TBC1D32: variants seen among roughly 807,000 people sequenced by gnomAD.
TBC1D32 encodes TBC1 domain family member 32, also known as protein broad-minded.
In TBC1D32, 151 loss-of-function variants were observed where a neutral mutation model predicts 170.3. The observed-to-expected ratio is 0.89, with a 90% CI of 0.78 to 1.01. The LOEUF is 1.01. Among genes scored for constraint, TBC1D32 ranks in the 50% least tolerant of loss-of-function variants. The pLI is 0.00. For synonymous variants in TBC1D32, 498 were observed against 488.0 expected (o/e 1.02, Z -0.27); for missense variants, 1,464 against 1,457.1 (o/e 1.00, Z -0.08).
chr6:121,082,189 C>G (rs905367365), intron 31 of TBC1D32, among the ~76,000 whole-genome samples: 5 of 151,950 alleles, frequency 3.3e-5, no homozygotes, highest in African/African-American at 1.2e-4. Flanking sequence ...ATGTTGACAA[C>G]TGAGGTGTAT....
rs570566489 is a variant in TBC1D32 at position 121,256,420 on chromosome 6, C to T, written c.1734-135G>A. 9.5e-5 allele frequency: 64 copies of T among 676,936 alleles called. 1 individual carries two copies. Among genetic ancestry groups the T allele is most frequent in the South Asian group, 9.4e-4 (48 of 51,176 alleles). 41.9% of individuals were successfully genotyped at this position (676,936 alleles called of 1,614,324 possible). A position where few individuals can be genotyped will look rare whatever the true frequency, so the allele number is the denominator to read the frequency against. On this transcript the variant is annotated intron_variant, in intron 15 of 31. Coordinates refer to ENST00000398212, the MANE Select transcript of TBC1D32 (RefSeq NM_152730.6). The stretch of plus-strand genomic sequence containing the variant: ...TCTCAGACATGTCAATATTCACGTT[C>T]CCACCCATGCACAGATGTCTAGTAA...
Position 121,131,677 on chromosome 6 carries a change from CT to C in TBC1D32, c.2848del (p.Arg950AspfsTer6), listed in dbSNP as rs753094795. The C allele has an allele frequency of 6.2e-7, 1 of 1,611,636 alleles. No individual in the cohort carries two copies. Among genetic ancestry groups the C allele is most frequent in the Non-Finnish European group, 8.5e-7 (1 of 1,178,772 alleles). On this transcript the variant is annotated frameshift_variant, in exon 25 of 32. Transcript: ENST00000398212. LOFTEE classifies it high-confidence loss of function. ...KQTEWIENCQ[R>X]QFCKMMKAKP... The stretch of plus-strand genomic sequence containing the variant: ...GGCTTTCATCATTTTGCAAAATTGT[CT>C]TTGGCAGTTTTCTATCCATTCAGTT...
intron 24 of TBC1D32, among the ~76,000 whole-genome samples, chr6:121,137,452 A>G (rs963310381): frequency 6.7e-6 from 1 of 149,434 alleles, no homozygotes; most frequent in South Asian, 2.2e-4. Context: ...TATGATTTAT[A>G]GACAACTATG....
At chr6:121,276,702 G>T (rs535000489) in intron 15 of TBC1D32, among the ~76,000 whole-genome samples, 1 of 152,232 alleles carries the variant, frequency 6.6e-6, no homozygotes, top group South Asian at 2.1e-4. Flanking sequence ...AAAAGGAAAA[G>T]GATGGAGGAA....
At chr6:121,108,638 T>TA (rs1261726814) in intron 29 of TBC1D32, among the ~76,000 whole-genome samples, 7 of 152,056 alleles carry the variant, frequency 4.6e-5, no homozygotes, top group African/African-American at 1.7e-4. Context: ...ACTTTAGTGA[T>TA]TAATAATAAA....
At chr6:121,135,097 A>G (rs1781901671) in intron 24 of TBC1D32, among the ~76,000 whole-genome samples, 2 of 152,116 alleles carry the variant, frequency 1.3e-5, no homozygotes, top group Admixed American at 1.3e-4. Flanking sequence ...ATTCCTCTTA[A>G]CTTATGCAGA....
intron 24 of TBC1D32, among the ~76,000 whole-genome samples, chr6:121,152,761 C>T (rs1177369375): frequency 6.6e-6 from 1 of 151,980 alleles, no homozygotes; most frequent in Non-Finnish European, 1.5e-5. Flanking sequence ...CATCTTCAAT[C>T]CCTGATACAC....
intron 24 of TBC1D32, among the ~76,000 whole-genome samples, chr6:121,138,447 T>C (rs2128223271): frequency 6.6e-6 from 1 of 152,300 alleles, no homozygotes; most frequent in African/African-American, 2.4e-5. Flanking sequence ...TAAAAATACA[T>C]GAAAACTAAG....
chr6:121,081,448 C>G (rs1385934539), intron 31 of TBC1D32, among the ~76,000 whole-genome samples: 1 of 152,032 alleles, frequency 6.6e-6, no homozygotes, highest in Admixed American at 6.6e-5. Flanking sequence ...AATTTTATGA[C>G]CATTCCTTTT....
chr6:121,187,585 A>T (rs1354149683), intron 22 of TBC1D32, among the ~76,000 whole-genome samples: 1 of 151,880 alleles, frequency 6.6e-6, no homozygotes, highest in Non-Finnish European at 1.5e-5. Flanking sequence ...ACCTTGAAAA[A>T]CTTCCTCCGT....
chr6:121,198,238 T>TATATATTATATATATATATAATATATAA (rs1231700203), intron 22 of TBC1D32, among the ~76,000 whole-genome samples: 4 of 22,930 alleles, frequency 1.7e-4, no homozygotes, highest in East Asian at 5.6e-3. Flanking sequence ...TATATATAAA[T>TATATATTATATATATATATAATATATAA]ATATATATTA....
intron 22 of TBC1D32, among the ~76,000 whole-genome samples, chr6:121,168,308 A>G (rs1786358514): frequency 7.1e-6 from 1 of 141,074 alleles, no homozygotes; most frequent in Admixed American, 7.6e-5. Context: ...ACTTGGAACC[A>G]ACCCAAATGT....
rs1807009075 is a variant in TBC1D32 at position 121,304,443 on chromosome 6, A to G, written c.874-17T>C. 7 of 1,609,846 alleles carry G rather than the reference A, an allele frequency of 4.3e-6. No homozygotes were observed. The highest frequency in any genetic ancestry group is 5.9e-6 in the Non-Finnish European group (7 of 1,178,676). On this transcript the variant is annotated splice_polypyrimidine_tract_variant and intron_variant, in intron 7 of 31. Coordinates refer to ENST00000398212, the MANE Select transcript of TBC1D32 (RefSeq NM_152730.6). ...AAGACGAACCTACAAAGCAGTGCAC[A>G]ATAGTTCTCAAAAAATTAGCATCCT...
intron 1 of TBC1D32, among the ~76,000 whole-genome samples, chr6:121,332,804 A>G (rs6569198): frequency 0.97 from 147,460 of 152,196 alleles, 71,645 homozygotes; most frequent in East Asian, 1. Flanking sequence ...CTCTGGTAGC[A>G]CCAAAATAAA....
intron 24 of TBC1D32, among the ~76,000 whole-genome samples, chr6:121,149,432 G>A (rs1374879639): frequency 6.6e-6 from 1 of 152,102 alleles, no homozygotes. Context: ...GTTAATCTTT[G>A]TATAAGTTAT....
intron 26 of TBC1D32, among the ~76,000 whole-genome samples, chr6:121,123,762 C>T (rs1780529305): frequency 6.6e-6 from 1 of 151,890 alleles, no homozygotes; most frequent in South Asian, 2.1e-4. Flanking sequence ...CATTTTAATA[C>T]TTGTTTACTA....
chr6:121,178,420 C>G (rs547358683), intron 22 of TBC1D32, among the ~76,000 whole-genome samples: 1 of 152,216 alleles, frequency 6.6e-6, no homozygotes, highest in African/African-American at 2.4e-5. Context: ...GGGATCACTA[C>G]AGCTGCTATG....
intron 15 of TBC1D32, among the ~76,000 whole-genome samples, chr6:121,271,795 T>C (rs995217211): frequency 7.9e-5 from 12 of 152,238 alleles, no homozygotes; most frequent in Non-Finnish European, 1.3e-4. Context: ...AAAAAGAGCC[T>C]GCATTGCCAA....
In TBC1D32 at chr6:121,321,807, T is replaced by C; in HGVS notation, c.156-13A>G. The C allele has an allele frequency of 1.2e-6, 2 of 1,600,458 alleles. No individual in the cohort carries two copies. Among genetic ancestry groups the C allele is most frequent in the Non-Finnish European group, 1.7e-6 (2 of 1,174,372 alleles). On this transcript the variant is annotated splice_polypyrimidine_tract_variant and intron_variant, in intron 1 of 31. Transcript: ENST00000398212. ...CACAAATTCATAGCTGAAACAAATA[T>C]TTAGAAAATAAATGCGGTAAATATC...
Sources: gnomAD v4.1 joint callset for allele counts (sites outside exome capture counted in the v4.1 genomes callset) on GRCh38, gnomAD v4.1.1 for gene constraint, MANE v1.5 for transcripts, NCBI Gene and HGNC (gene_info 2026-07-23, HGNC 2026-07-21) for gene names.